DNAL4: variants seen among roughly 807,000 people sequenced by gnomAD.
The protein encoded by DNAL4 is dynein light chain, outer arm 4.
In DNAL4, 10 loss-of-function variants were observed where a neutral mutation model predicts 12.6. That is an observed-to-expected ratio of 0.79 (90% CI 0.49 to 1.34). The LOEUF (loss-of-function observed/expected upper bound fraction) is 1.34. Among genes scored for constraint, DNAL4 ranks in the 40% most tolerant of loss-of-function variants. DNAL4 has a pLI of 0.00. For missense variants in DNAL4, 128 were observed against 138.1 expected (o/e 0.93, Z 0.37); for synonymous variants, 46 against 53.1 (o/e 0.87, Z 0.58).
At chr22:38,788,475 G>A (rs57293692) in intron 1 of DNAL4, among the ~76,000 whole-genome samples, 1 of 152,172 alleles carries the variant, frequency 6.6e-6, no homozygotes, top group Admixed American at 6.5e-5. Context: ...GAGGAGTGGA[G>A]GGAAGGAGAG....
chr22:38,781,363 T>C (rs902552561), intron 2 of DNAL4, among the ~76,000 whole-genome samples: 1 of 152,190 alleles, frequency 6.6e-6, no homozygotes, highest in Non-Finnish European at 1.5e-5. Context: ...CGCTGGGCGC[T>C]CTCTGGGGCC....
At chr22:38,787,399 G>C (rs1454266253) in intron 1 of DNAL4, among the ~76,000 whole-genome samples, 3 of 151,784 alleles carry the variant, frequency 2.0e-5, no homozygotes, top group African/African-American at 7.3e-5. Context: ...GCGCCACCAC[G>C]CCTGGCTAAT....
At chr22:38,788,612 T>G (rs1171748746) in intron 1 of DNAL4, among the ~76,000 whole-genome samples, 1 of 152,158 alleles carries the variant, frequency 6.6e-6, no homozygotes, top group Admixed American at 6.5e-5. Flanking sequence ...CAGACTTGGA[T>G]GAAATCCCAG....
rs746167211 is a variant in DNAL4 at position 38,779,620 on chromosome 22, G to T, written c.154-7C>A. ...TGATCATCTTGGCGGCGCTCTGGAA[G>T]GAAGAGGGCACTTATCAAGGGGGCG... On this transcript the variant is annotated splice_polypyrimidine_tract_variant and splice_region_variant and intron_variant, in intron 3 of 3. Transcript: ENST00000216068. This position sits in a 1 kb window ranked among gnomAD's most constrained non-coding sequence, Gnocchi z 4.3. The T allele has an allele frequency of 3.1e-6, 5 of 1,593,468 alleles. No homozygotes were observed. The South Asian group carries it at 5.7e-5, about 18-fold the overall frequency.
intron 2 of DNAL4, among the ~76,000 whole-genome samples, chr22:38,781,699 C>T (rs1412222343): frequency 2.0e-5 from 3 of 152,158 alleles, no homozygotes; most frequent in Admixed American, 6.5e-5. Context: ...GTAATTGATA[C>T]CATTTTTTCT....
At chr22:38,791,057 C>G (rs1484879292) in intron 1 of DNAL4, among the ~76,000 whole-genome samples, 1 of 151,806 alleles carries the variant, frequency 6.6e-6, no homozygotes, top group Non-Finnish European at 1.5e-5. Context: ...ATCCCAGCTA[C>G]TCAGGAGGCT....
At chr22:38,783,888 C>T (rs182590430) in intron 1 of DNAL4, among the ~76,000 whole-genome samples, 5 of 152,248 alleles carry the variant, frequency 3.3e-5, no homozygotes, top group Non-Finnish European at 5.9e-5. Flanking sequence ...GGCCTGGACC[C>T]GAGATGACTG....
chr22:38,790,901 C>T (rs2093049568), intron 1 of DNAL4, among the ~76,000 whole-genome samples: 1 of 152,224 alleles, frequency 6.6e-6, no homozygotes, highest in Non-Finnish European at 1.5e-5. Flanking sequence ...GGTGCGGTGG[C>T]TCACGCTTGT....
Position 38,782,022 on chromosome 22 carries a change from TC to T in DNAL4, c.69+640del, listed in dbSNP as rs1244207216. On this transcript the variant is annotated intron_variant, in intron 2 of 3. Coordinates refer to ENST00000216068, the MANE Select transcript of DNAL4 (RefSeq NM_005740.3). This position sits in a 1 kb window ranked among gnomAD's most constrained non-coding sequence, Gnocchi z 5.1. The stretch of plus-strand genomic sequence containing the variant: ...TCCCCTGCTTAAAACCCTTCAGTGT[TC>T]CCCCTTCGATTCAGGACAGAACCCA... Among the ~76,000 whole-genome samples the T allele has an allele frequency of 9.9e-5, 15 of 152,170 alleles. No homozygotes were observed. The highest frequency in any genetic ancestry group is 4.4e-5 in the Non-Finnish European group (3 of 68,034).
chr22:38,789,092 A>G (rs139272984), intron 1 of DNAL4, among the ~76,000 whole-genome samples: 2 of 152,322 alleles, frequency 1.3e-5, no homozygotes, highest in East Asian at 3.9e-4. Context: ...GCCAGGCACC[A>G]GAATGGGCGA....
rs2093031453 is a variant in DNAL4, at chr22:38,779,752, C to G, written c.154-139G>C. On this transcript the variant is annotated intron_variant, in intron 3 of 3. Coordinates refer to ENST00000216068, the MANE Select transcript of DNAL4 (RefSeq NM_005740.3). This position sits in a 1 kb window ranked among gnomAD's most constrained non-coding sequence, Gnocchi z 4.3. Reference sequence around the variant, plus strand: ...CTGTCCTATTTCTCTTGTCCTCCTGCTTCAAAAAGGGTTTCCACGCAGGCC... The same window carrying G: ...CTGTCCTATTTCTCTTGTCCTCCTGGTTCAAAAAGGGTTTCCACGCAGGCC... 1 of 1,186,426 alleles carries G rather than the reference C, an allele frequency of 8.4e-7. No individual in the cohort carries two copies. The highest frequency in any genetic ancestry group is 1.6e-5 in the South Asian group (1 of 61,834). 73.5% of individuals were successfully genotyped at this position (1,186,426 alleles called of 1,614,324 possible). A position where few individuals can be genotyped will look rare whatever the true frequency, so the allele number is the denominator to read the frequency against.
chr22:38,782,756 GGA>G lies in DNAL4; in HGVS notation c.-27_-26del. ...TGATCCTTCCACTGTGACCACTGGA[GGA>G]GAGTGGGGCTTTCAGGAGGTGCTGG... On this transcript the variant is annotated 5_prime_UTR_variant, in exon 2 of 4. Coordinates refer to ENST00000216068, the MANE Select transcript of DNAL4 (RefSeq NM_005740.3). This position sits in a 1 kb window ranked among gnomAD's most constrained non-coding sequence, Gnocchi z 5.1. 1 of 1,599,424 alleles carries G rather than the reference GGA, an allele frequency of 6.3e-7. No homozygotes were observed. Among genetic ancestry groups the G allele is most frequent in the South Asian group, 1.1e-5 (1 of 88,492 alleles).
intron 1 of DNAL4, among the ~76,000 whole-genome samples, chr22:38,792,573 C>T (rs921749457): frequency 5.3e-5 from 8 of 152,218 alleles, no homozygotes; most frequent in Admixed American, 2.0e-4. Context: ...CGTGAGCCAC[C>T]GCTCCTGGCC....
At chr22:38,789,559 A>C (rs192233344) in intron 1 of DNAL4, among the ~76,000 whole-genome samples, 8 of 152,320 alleles carry the variant, frequency 5.3e-5, no homozygotes, top group African/African-American at 1.7e-4. Context: ...TATAAGCGTG[A>C]GTCACCATGC....
At chr22:38,792,190 CACAA>C (rs956190291) in intron 1 of DNAL4, among the ~76,000 whole-genome samples, 15 of 152,062 alleles carry the variant, frequency 9.9e-5, no homozygotes, top group Non-Finnish European at 2.1e-4. Context: ...TAGCTTAAAA[CACAA>C]ACACATTGTA....
rs751354332 is a variant in DNAL4 at position 38,779,557 on chromosome 22, G to A, written c.210C>T (p.His70=). Residue 70 remains histidine, a synonymous_variant, in exon 4 of 4, where the codon CAC becomes CAT. Transcript: ENST00000216068. This position sits in a 1 kb window ranked among gnomAD's most constrained non-coding sequence, Gnocchi z 4.3. The part of the protein sequence containing the change: ...TMDKKFGSSW[H]VVIGEGFGFE... ...ACCCAAAGCCCTCGCCGATCACCAC[G>A]TGCCAGGAGGAGCCGAACTTCTTGT... 6 of 1,593,986 alleles carry A rather than the reference G, an allele frequency of 3.8e-6. No homozygotes were observed. The highest frequency in any genetic ancestry group is 4.5e-5 in the East Asian group (2 of 44,044).
At position 38,782,493 on chromosome 22, in the gene DNAL4, G is replaced by T. The variant is rs2093035777; in HGVS notation, c.69+170C>A. 6.6e-6 allele frequency among the ~76,000 whole-genome samples: 1 copy of T among 152,210 alleles called. No homozygotes were observed. Among genetic ancestry groups the T allele is most frequent in the African/African-American group, 2.4e-5 (1 of 41,442 alleles). ...GTGGCCCAATACTTGGTGAATGAAT[G>T]AATGAATGAAACAATGAATCACTGT... On this transcript the variant is annotated intron_variant, in intron 2 of 3. Coordinates refer to ENST00000216068, the MANE Select transcript of DNAL4 (RefSeq NM_005740.3). This position sits in a 1 kb window ranked among gnomAD's most constrained non-coding sequence, Gnocchi z 5.1.
intron 1 of DNAL4, among the ~76,000 whole-genome samples, chr22:38,792,376 G>A (rs1425075381): frequency 1.3e-5 from 2 of 151,144 alleles, no homozygotes; most frequent in South Asian, 2.1e-4. Flanking sequence ...TCCACCTCCC[G>A]GGTTCACGCC....
At chr22:38,790,985 T>A (rs1305740934) in intron 1 of DNAL4, among the ~76,000 whole-genome samples, 1 of 152,054 alleles carries the variant, frequency 6.6e-6, no homozygotes, top group Admixed American at 6.5e-5. Context: ...CTGGCCAACA[T>A]GGCAAAACCT....
Sources: allele counts gnomAD v4.1 joint callset (sites outside exome capture counted in the v4.1 genomes callset), GRCh38; gene constraint gnomAD v4.1.1; non-coding constraint Gnocchi (gnomAD v3.1); transcripts MANE v1.5; gene names NCBI Gene and HGNC (gene_info 2026-07-23, HGNC 2026-07-21).